ITGA4: variants seen among roughly 807,000 people sequenced by gnomAD.
The protein encoded by ITGA4 is integrin alpha-4.
Under a neutral mutation model 133.6 loss-of-function variants are expected in ITGA4, and 63 were observed. That is an observed-to-expected ratio of 0.47 (90% CI 0.38 to 0.58). The LOEUF (loss-of-function observed/expected upper bound fraction) is 0.58, where lower values mean the gene tolerates loss of function less well. Ranked by LOEUF, ITGA4 falls within the 20% of genes least tolerant of loss-of-function variation. The pLI is 0.00. For synonymous variants in ITGA4, 483 were observed against 438.0 expected, an observed-to-expected ratio of 1.10 and a Z score of -1.28; for missense variants, 1,076 against 1,252.7, an observed-to-expected ratio of 0.86 and a Z score of 2.13.
chr2:181,529,225 T>C (rs1339082897), intron 22 of ITGA4, among the ~76,000 whole-genome samples: 2 of 147,504 alleles, frequency 1.4e-5, no homozygotes, highest in African/African-American at 4.9e-5. Context: ...TTAAAATATG[T>C]AATGTAACAT....
intron 26 of ITGA4, among the ~76,000 whole-genome samples, 168 bp from the exon 27 acceptor site, chr2:181,534,648 A>AACAGTT (rs943096125): frequency 2.4e-4 from 36 of 152,256 alleles, no homozygotes; most frequent in African/African-American, 8.4e-4. Flanking sequence ...GTTTCTGCTA[A>AACAGTT]ACAGTTACCA....
At chr2:181,481,029 A>T (rs1021393833) in intron 6 of ITGA4, among the ~76,000 whole-genome samples, 6 of 151,790 alleles carry the variant, frequency 4.0e-5, no homozygotes, top group Non-Finnish European at 8.8e-5. Context: ...ATTATAAAAT[A>T]AGCACTCTTT....
intron 10 of ITGA4, among the ~76,000 whole-genome samples, chr2:181,487,696 A>T (rs138299002): frequency 1.2e-4 from 19 of 152,362 alleles, no homozygotes; most frequent in Non-Finnish European, 2.8e-4. Flanking sequence ...TTTATTGAAC[A>T]TTTATTTTGG....
In ITGA4 at chr2:181,536,281, C is replaced by CTATTCTTCCT. The variant is rs1574418864; in HGVS notation, c.*755_*764dup. ...GGTATATATTTACCATTCTTCCTAT[C>CTATTCTTCCT]TATTCTTCCTATAACACACCTTTAT... On this transcript the variant is annotated 3_prime_UTR_variant, in exon 28 of 28. Coordinates refer to ENST00000397033, the MANE Select transcript of ITGA4 (RefSeq NM_000885.6). 6.6e-6 allele frequency: 1 copy of CTATTCTTCCT among 151,936 alleles called. No homozygotes were observed. The highest frequency in any genetic ancestry group is 1.9e-4 in the East Asian group (1 of 5,178). The allele number at this position is 151,936 out of a possible 1,614,324, so 9.4% of individuals were successfully genotyped here. A position where few individuals can be genotyped will look rare whatever the true frequency, so the allele number is the denominator to read the frequency against.
intron 11 of ITGA4, among the ~76,000 whole-genome samples, chr2:181,494,376 C>T (rs976184758): frequency 7.9e-5 from 12 of 152,158 alleles, no homozygotes; most frequent in African/African-American, 2.7e-4. Flanking sequence ...GGAGGCTGAG[C>T]TGGGAAGACT....
intron 20 of ITGA4, 95 bp from the exon 21 acceptor site, chr2:181,525,107 C>G: frequency 1.5e-6 from 1 of 648,094 alleles, no homozygotes. Flanking sequence ...TTAAGCAAAC[C>G]TCTGAGTATA....
rs1186404031 is a variant in ITGA4, at chr2:181,537,570, CTT to C, written c.*2044_*2045del. The stretch of plus-strand genomic sequence containing the variant: ...TTAGGGAGCAGTGAATCAAGGCAGA[CTT>C]ATGAAATCTGTATTATATTTGTAAC... On this transcript the variant is annotated 3_prime_UTR_variant, in exon 28 of 28. Transcript: ENST00000397033. 2.3e-6 allele frequency: 1 copy of C among 432,078 alleles called. No individual in the cohort carries two copies. The highest frequency in any genetic ancestry group is 7.1e-5 in the East Asian group (1 of 14,166). The allele number at this position is 432,078 out of a possible 1,614,324, so 26.8% of individuals were successfully genotyped here.
intron 10 of ITGA4, 105 bp from the exon 11 acceptor site, chr2:181,493,218 AAG>A (rs1433351545): frequency 3.5e-5 from 23 of 662,522 alleles, no homozygotes; most frequent in South Asian, 9.8e-5. Context: ...TTTTTCATAA[AAG>A]AGAGTTTTCT....
chr2:181,458,461 C>T, intron 2 of ITGA4, 144 bp downstream of exon 2: 6 of 862,146 alleles, frequency 7.0e-6, no homozygotes, highest in Non-Finnish European at 9.1e-6. Context: ...TCCATCTCAT[C>T]TTGCCTCCTT....
chr2:181,525,707 C>T (rs1296907998), intron 21 of ITGA4, among the ~76,000 whole-genome samples: 1 of 152,224 alleles, frequency 6.6e-6, no homozygotes, highest in East Asian at 1.9e-4. Context: ...CGTATCTACA[C>T]ATGTGGCAAA....
chr2:181,473,310 C>T (rs1685599265), intron 2 of ITGA4, among the ~76,000 whole-genome samples: 1 of 152,212 alleles, frequency 6.6e-6, no homozygotes, highest in Non-Finnish European at 1.5e-5. Context: ...TTACGAACTG[C>T]ACAGCCGTGG....
At position 181,458,379 on chromosome 2, in the gene ITGA4, A is replaced by G. The variant is rs1574370210; in HGVS notation, c.319+62A>G. On this transcript the variant is annotated intron_variant, in intron 2 of 27. Coordinates refer to ENST00000397033, the MANE Select transcript of ITGA4 (RefSeq NM_000885.6). ...CGACCCCCCATGTGGACCCCACCAT[A>G]GGGCAAGTCCTGGAAAGATTCACGT... is the stretch of plus-strand genomic sequence containing the variant. The G allele has an allele frequency of 1.1e-5, 17 of 1,571,006 alleles. No individual in the cohort carries two copies. The East Asian group carries it at 1.9e-4, about 17-fold the overall frequency.
chr2:181,497,535 C>A (rs546248666), intron 14 of ITGA4, among the ~76,000 whole-genome samples: 4 of 152,076 alleles, frequency 2.6e-5, no homozygotes, highest in African/African-American at 9.6e-5. Flanking sequence ...ATTTTGAAAT[C>A]CAATTGGCTT....
intron 17 of ITGA4, among the ~76,000 whole-genome samples, chr2:181,518,564 G>T (rs1164880011): frequency 3.3e-5 from 5 of 152,022 alleles, no homozygotes; most frequent in African/African-American, 1.2e-4. Context: ...CAATTGGATT[G>T]CTCTGTAGCA....
At chr2:181,507,817 A>G (rs1686425444) in intron 15 of ITGA4, among the ~76,000 whole-genome samples, 1 of 152,260 alleles carries the variant, frequency 6.6e-6, no homozygotes, top group Admixed American at 6.5e-5. Context: ...TTTGCCAACT[A>G]TTTTTGATCC....
chr2:181,474,991 T>A lies in ITGA4; in HGVS notation c.351T>A (p.Thr117=). The change falls in exon 3 of 28, where the codon ACT becomes ACA. Residue 117 remains threonine (T), a synonymous_variant. Coordinates refer to ENST00000397033, the MANE Select transcript of ITGA4 (RefSeq NM_000885.6). Reference sequence around the variant, plus strand: ...CTAATGGAGAACCTTGTGGAAAGACTTGTTTGGAAGAGAGAGACAATCAGT... The same window carrying A: ...CTAATGGAGAACCTTGTGGAAAGACATGTTTGGAAGAGAGAGACAATCAGT... ...GSPNGEPCGK[T]CLEERDNQWL... 6.2e-7 allele frequency: 1 copy of A among 1,614,058 alleles called. No homozygotes were observed. The highest frequency in any genetic ancestry group is 2.2e-5 in the East Asian group (1 of 44,874).
intron 2 of ITGA4, among the ~76,000 whole-genome samples, chr2:181,472,448 C>T (rs1033433928): frequency 3.9e-5 from 6 of 151,926 alleles, no homozygotes; most frequent in Non-Finnish European, 8.8e-5. Flanking sequence ...TATTTGTGAC[C>T]CCCATCCTCT....
chr2:181,521,031 T>G (rs1181975733), intron 17 of ITGA4, among the ~76,000 whole-genome samples: 1 of 152,136 alleles, frequency 6.6e-6, no homozygotes, highest in African/African-American at 2.4e-5. Context: ...CTACAAATGT[T>G]GATTTGAATG....
chr2:181,488,581 T>C (rs560316433), intron 10 of ITGA4, among the ~76,000 whole-genome samples: 2 of 151,966 alleles, frequency 1.3e-5, no homozygotes, highest in South Asian at 2.1e-4. Flanking sequence ...TTTTTTGAGA[T>C]GGAGTCTCGC....
Sources: gnomAD v4.1 joint callset for allele counts (sites outside exome capture counted in the v4.1 genomes callset) on GRCh38, gnomAD v4.1.1 for gene constraint, MANE v1.5 for transcripts, NCBI Gene and HGNC (gene_info 2026-07-23, HGNC 2026-07-21) for gene names.